The following NFKB1 variants were observed in gnomAD, a reference collection of about 807,000 sequenced individuals.
NFKB1 encodes nuclear factor NF-kappa-B p105 subunit.
In NFKB1, 9 loss-of-function variants were observed where a neutral mutation model predicts 105.1. That is an observed-to-expected ratio of 0.09 (90% CI 0.05 to 0.15). The LOEUF is 0.15. Ranked by LOEUF, NFKB1 falls within the 10% of genes least tolerant of loss-of-function variation. The probability of loss-of-function intolerance (pLI) is 1.00; values close to 1 mark genes in which losing one functional copy is unlikely to be tolerated. For missense variants in NFKB1, 830 were observed against 1,203.7 expected (o/e 0.69, Z 4.59); for synonymous variants, 440 against 442.2 (o/e 1.00, Z 0.06).
intron 14 of NFKB1, among the ~76,000 whole-genome samples, chr4:102,597,056 A>G (rs1020984680): frequency 7.2e-5 from 11 of 152,186 alleles, no homozygotes; most frequent in Admixed American, 2.6e-4. Flanking sequence ...AAACTTTACA[A>G]AAACGTGAGT....
At chr4:102,526,529 C>T (rs1485819795) in intron 2 of NFKB1, among the ~76,000 whole-genome samples, 1 of 152,108 alleles carries the variant, frequency 6.6e-6, no homozygotes, top group Non-Finnish European at 1.5e-5. Flanking sequence ...TAAAACTCAT[C>T]TAGTAAGGAG....
intron 10 of NFKB1, among the ~76,000 whole-genome samples, chr4:102,583,791 T>TA (rs760521269): frequency 0.41 from 62,966 of 152,020 alleles, 13,230 homozygotes; most frequent in Admixed American, 0.48. Context: ...TTCTCCTATT[T>TA]ACAAGTAATT....
intron 2 of NFKB1, among the ~76,000 whole-genome samples, chr4:102,527,793 G>A (rs1741022250): frequency 6.6e-6 from 1 of 152,124 alleles, no homozygotes; most frequent in Non-Finnish European, 1.5e-5. Context: ...CATGAGGATT[G>A]TGTCTGCTTG....
Position 102,533,700 on chromosome 4 carries a change from T to C in NFKB1, c.119-145T>C, listed in dbSNP as rs925846967. The C allele has an allele frequency of 2.4e-5, 17 of 700,658 alleles. No individual in the cohort carries two copies. In the African/African-American group the frequency reaches 2.9e-4, roughly 12 times the overall value. The allele number at this position is 700,658 out of a possible 1,614,324, so 43.4% of individuals were successfully genotyped here. ...TATTTCAGACAAGGAAGAGAAATTA[T>C]ATCCTTGTGGAATTTTAACCAAAAA... On this transcript the variant is annotated intron_variant, in intron 3 of 23. Coordinates refer to ENST00000226574, the MANE Select transcript of NFKB1 (RefSeq NM_003998.4).
chr4:102,532,041 C>T (rs963870496), intron 3 of NFKB1, among the ~76,000 whole-genome samples: 3 of 152,022 alleles, frequency 2.0e-5, no homozygotes, highest in Admixed American at 1.3e-4. Context: ...ATTTTATTTC[C>T]ATATCCAAAA....
chr4:102,532,276 C>T (rs1261219196), intron 3 of NFKB1, among the ~76,000 whole-genome samples: 1 of 151,874 alleles, frequency 6.6e-6, no homozygotes, highest in Non-Finnish European at 1.5e-5. Context: ...GTAATTATAC[C>T]CTTGTTTTCT....
At chr4:102,609,885 A>G (rs571631613) in intron 19 of NFKB1, among the ~76,000 whole-genome samples, 1 of 152,344 alleles carries the variant, frequency 6.6e-6, no homozygotes, top group East Asian at 1.9e-4. Context: ...TTAGACATCA[A>G]GCTAAACACT....
chr4:102,512,139 A>G (rs1330599731), intron 1 of NFKB1, among the ~76,000 whole-genome samples: 1 of 152,248 alleles, frequency 6.6e-6, no homozygotes, highest in Non-Finnish European at 1.5e-5. Context: ...TAAAAAATAG[A>G]AAACAGATTA....
chr4:102,547,582 T>A (rs1722234498), intron 5 of NFKB1, among the ~76,000 whole-genome samples: 1 of 152,192 alleles, frequency 6.6e-6, no homozygotes, highest in African/African-American at 2.4e-5. Context: ...AAATAATACC[T>A]ATGTCATAGG....
intron 6 of NFKB1, among the ~76,000 whole-genome samples, chr4:102,573,147 A>G (rs1031545104): frequency 6.6e-6 from 1 of 152,102 alleles, no homozygotes; most frequent in Admixed American, 6.5e-5. Flanking sequence ...CGTCTCTACT[A>G]AAAATACAAA....
At chr4:102,570,603 G>A (rs1256997099) in intron 6 of NFKB1, among the ~76,000 whole-genome samples, 1 of 152,070 alleles carries the variant, frequency 6.6e-6, no homozygotes, top group Non-Finnish European at 1.5e-5. Flanking sequence ...GGGTCAAATG[G>A]TAGTTCTATT....
rs774187856 is a variant in NFKB1, at chr4:102,612,486, A to G, written c.2472A>G (p.Leu824=). The change falls in exon 22 of 24, where the codon CTA becomes CTG. Residue 824 remains leucine (L), a synonymous_variant. Coordinates refer to ENST00000226574, the MANE Select transcript of NFKB1 (RefSeq NM_003998.4). ...TGAAGCTGCAGCTGTATAAGTTACT[A>G]GAAATTCCTGATCCAGACAAAAACT... The part of the protein sequence containing the change: ...EDVKLQLYKL[L]EIPDPDKNWA... The G allele has an allele frequency of 1.1e-5, 18 of 1,613,798 alleles. No homozygotes were observed. Among genetic ancestry groups the G allele is most frequent in the Middle Eastern group, 3.4e-4 (2 of 5,856 alleles).
intron 1 of NFKB1, among the ~76,000 whole-genome samples, chr4:102,505,416 T>C (rs1390320466): frequency 1.3e-5 from 2 of 152,250 alleles, no homozygotes; most frequent in Non-Finnish European, 2.9e-5. Context: ...CAGAATTAAT[T>C]ATCAGTAATA....
At chr4:102,613,259 T>G (rs776866906) in intron 22 of NFKB1, among the ~76,000 whole-genome samples, 166 bp from the exon 23 acceptor site, 1 of 152,140 alleles carries the variant, frequency 6.6e-6, no homozygotes, top group Non-Finnish European at 1.5e-5. Flanking sequence ...GAAACTTGAT[T>G]CGAAGACTGT....
At chr4:102,512,059 T>C (rs1371154469) in intron 1 of NFKB1, among the ~76,000 whole-genome samples, 1 of 152,244 alleles carries the variant, frequency 6.6e-6, no homozygotes, top group Non-Finnish European at 1.5e-5. Context: ...GCTGTGTCAG[T>C]TGGGCTCTAA....
chr4:102,526,510 A>T (rs984090513), intron 2 of NFKB1, among the ~76,000 whole-genome samples: 2 of 152,198 alleles, frequency 1.3e-5, no homozygotes, highest in African/African-American at 4.8e-5. Flanking sequence ...ACCAAAAAAA[A>T]ATTTTATTTA....
intron 12 of NFKB1, 81 bp downstream of exon 12, chr4:102,593,649 C>T: frequency 1.4e-6 from 2 of 1,411,342 alleles, no homozygotes; most frequent in Non-Finnish European, 1.9e-6. Context: ...CTGAGCATGT[C>T]TGTGAGTTGA....
intron 10 of NFKB1, among the ~76,000 whole-genome samples, chr4:102,583,909 C>T (rs942091927): frequency 1.4e-4 from 22 of 151,916 alleles, no homozygotes; most frequent in Non-Finnish European, 2.2e-4. Context: ...GAGTACTCTG[C>T]GAACTAATAT....
intron 6 of NFKB1, among the ~76,000 whole-genome samples, chr4:102,571,276 C>T (rs1293718900): frequency 6.6e-6 from 1 of 152,120 alleles, no homozygotes; most frequent in Non-Finnish European, 1.5e-5. Flanking sequence ...AACTGGCTAG[C>T]CATATGTAGA....
Sources: gnomAD v4.1 joint callset for allele counts (sites outside exome capture counted in the v4.1 genomes callset) on GRCh38, gnomAD v4.1.1 for gene constraint, MANE v1.5 for transcripts, NCBI Gene and HGNC (gene_info 2026-07-23, HGNC 2026-07-21) for gene names.